The following TMEM232 variants were observed in gnomAD, a reference collection of about 807,000 sequenced individuals.
TMEM232 encodes the protein transmembrane protein 232.
TMEM232 carries 80 observed loss-of-function variants against 78.8 expected under a neutral mutation model. That is an observed-to-expected ratio of 1.01 (90% CI 0.85 to 1.22). The LOEUF (loss-of-function observed/expected upper bound fraction) is 1.22. Among genes scored for constraint, TMEM232 ranks in the 50% most tolerant of loss-of-function variants. The pLI is 0.00. For synonymous variants in TMEM232, 297 were observed against 254.3 expected, an observed-to-expected ratio of 1.17 and a Z score of -1.60; for missense variants, 881 against 742.2, an observed-to-expected ratio of 1.19 and a Z score of -2.17.
chr5:110,424,013 C>T (rs1047264845), intron 13 of TMEM232, among the ~76,000 whole-genome samples: 1 of 152,038 alleles, frequency 6.6e-6, no homozygotes, highest in Admixed American at 6.6e-5. Context: ...TTTGTCATTT[C>T]AAGGTATCAG....
At chr5:110,566,903 G>T (rs1002826316) in intron 11 of TMEM232, among the ~76,000 whole-genome samples, 3 of 151,858 alleles carry the variant, frequency 2.0e-5, no homozygotes, top group African/African-American at 7.2e-5. Flanking sequence ...TAAAGAAAAA[G>T]AGGTTTAATG....
At chr5:110,615,208 T>A (rs777318922) in intron 8 of TMEM232, among the ~76,000 whole-genome samples, 1 of 151,904 alleles carries the variant, frequency 6.6e-6, no homozygotes, top group Non-Finnish European at 1.5e-5. Flanking sequence ...ATAACTTTTG[T>A]TCATAAAGAA....
At chr5:110,401,213 CA>C (rs756222556) in intron 2 of TMEM232, among the ~76,000 whole-genome samples, 1 of 148,752 alleles carries the variant, frequency 6.7e-6, no homozygotes, top group African/African-American at 2.5e-5. Context: ...AAGAGCGGTT[CA>C]TTTTTTTTAA....
intron 12 of TMEM232, among the ~76,000 whole-genome samples, chr5:110,522,219 A>G (rs1001966268): frequency 3.3e-5 from 5 of 152,118 alleles, no homozygotes; most frequent in African/African-American, 4.8e-5. Context: ...TATCTATCGT[A>G]TAGCTCACTG....
chr5:110,395,067 A>C (rs1490562941), intron 3 of TMEM232, among the ~76,000 whole-genome samples: 1 of 152,074 alleles, frequency 6.6e-6, no homozygotes, highest in Non-Finnish European at 1.5e-5. Context: ...CTCACTCCTA[A>C]CTGTAGGTCT....
chr5:110,459,319 T>C (rs956133530), intron 12 of TMEM232, among the ~76,000 whole-genome samples: 6 of 152,148 alleles, frequency 3.9e-5, no homozygotes, highest in African/African-American at 1.4e-4. Context: ...AATCAACAGA[T>C]TGATGTCTCT....
intron 2 of TMEM232, among the ~76,000 whole-genome samples, chr5:110,406,930 G>T (rs933370218): frequency 5.3e-5 from 8 of 151,846 alleles, no homozygotes; most frequent in African/African-American, 1.9e-4. Flanking sequence ...AAAATAACTT[G>T]TTATGTCTTT....
intron 1 of TMEM232, among the ~76,000 whole-genome samples, chr5:110,678,623 T>C (rs1452485214): frequency 6.6e-6 from 1 of 152,174 alleles, no homozygotes. Context: ...TGCATTATAG[T>C]ATCATACAGA....
At chr5:110,612,162 C>T (rs1051266885) in intron 8 of TMEM232, among the ~76,000 whole-genome samples, 2 of 152,050 alleles carry the variant, frequency 1.3e-5, no homozygotes, top group Non-Finnish European at 2.9e-5. Context: ...GCTGTTATCT[C>T]GATATAACTG....
chr5:110,425,728 G>T (rs775965094), intron 12 of TMEM232, among the ~76,000 whole-genome samples: 5 of 151,938 alleles, frequency 3.3e-5, no homozygotes, highest in African/African-American at 1.2e-4. Context: ...ATCACTTCCC[G>T]AGGCCAAGCC....
chr5:110,610,327 C>T (rs115435549), intron 8 of TMEM232, among the ~76,000 whole-genome samples: 2,787 of 140,214 alleles, frequency 0.02, 86 homozygotes, highest in African/African-American at 0.071. Context: ...TGGGGCCCAA[C>T]TAAAGAAAAA....
exon 4 of TMEM232, chr5:110,390,539 T>A (rs1178534917): frequency 1.3e-5 from 2 of 152,198 alleles, no homozygotes; most frequent in African/African-American, 4.8e-5. Flanking sequence ...AGCATGTCTT[T>A]TTATGGGCAC....
At chr5:110,617,190 T>C (rs962906033) in intron 8 of TMEM232, among the ~76,000 whole-genome samples, 19 of 152,184 alleles carry the variant, frequency 1.2e-4, no homozygotes, top group African/African-American at 4.6e-4. Flanking sequence ...AAATACTGCA[T>C]AACCTCACTT....
At chr5:110,727,381 G>A (rs1349547819), upstream of TMEM232, among the ~76,000 whole-genome samples, 1 of 152,184 alleles carries the variant, frequency 6.6e-6, no homozygotes, top group African/African-American at 2.4e-5. Context: ...GGAGGCCAAG[G>A]TGGGCGGATC....
At chr5:110,472,851 T>C (rs1762829207) in intron 12 of TMEM232, among the ~76,000 whole-genome samples, 1 of 151,846 alleles carries the variant, frequency 6.6e-6, no homozygotes, top group Admixed American at 6.6e-5. Flanking sequence ...TAAATGATGG[T>C]TGGAAAATTG....
intron 2 of TMEM232, among the ~76,000 whole-genome samples, chr5:110,650,794 G>A (rs1309255563): frequency 6.6e-6 from 1 of 151,998 alleles, no homozygotes; most frequent in East Asian, 1.9e-4. Context: ...GTAAAAATTA[G>A]AAAAATATGA....
chr5:110,550,286 T>C (rs749060759), intron 11 of TMEM232, among the ~76,000 whole-genome samples: 1 of 152,106 alleles, frequency 6.6e-6, no homozygotes, highest in African/African-American at 2.4e-5. Flanking sequence ...CTTGGAAAAA[T>C]TGAGTTTTAA....
chr5:110,454,218 C>A (rs922759483), intron 12 of TMEM232, among the ~76,000 whole-genome samples: 2 of 152,120 alleles, frequency 1.3e-5, no homozygotes, highest in African/African-American at 4.8e-5. Context: ...TTCAAGTACA[C>A]ATAAAATATC....
intron 12 of TMEM232, among the ~76,000 whole-genome samples, chr5:110,518,385 T>C (rs1214436743): frequency 1.3e-5 from 2 of 152,216 alleles, no homozygotes; most frequent in Non-Finnish European, 2.9e-5. Flanking sequence ...TTCTTCCATG[T>C]CTGTCCTTCG....
Sources: gnomAD v4.1 joint callset for allele counts (sites outside exome capture counted in the v4.1 genomes callset) on GRCh38, gnomAD v4.1.1 for gene constraint, MANE v1.5 for transcripts, NCBI Gene and HGNC (gene_info 2026-07-23, HGNC 2026-07-21) for gene names.